GDPD5: variants seen among roughly 807,000 people sequenced by gnomAD.
GDPD5 encodes glycerophosphodiester phosphodiesterase 2.
A neutral mutation model predicts 75.1 loss-of-function variants in GDPD5; 48 were observed. The observed-to-expected ratio is 0.64, with a 90% CI of 0.51 to 0.81. GDPD5 has a LOEUF of 0.81. Ranked by LOEUF, GDPD5 falls within the 40% of genes least tolerant of loss-of-function variation. The probability of loss-of-function intolerance (pLI) is 0.00; values close to 1 mark genes in which losing one functional copy is unlikely to be tolerated. For synonymous variants in GDPD5, 336 were observed against 339.0 expected (o/e 0.99, Z 0.10); for missense variants, 706 against 822.6 (o/e 0.86, Z 1.73).
At chr11:75,502,939 A>T (rs1565216454) in intron 1 of GDPD5, among the ~76,000 whole-genome samples, 1 of 152,200 alleles carries the variant, frequency 6.6e-6, no homozygotes, top group Non-Finnish European at 1.5e-5. Flanking sequence ...ACCAAGTGAG[A>T]CCCTGACCAA....
At chr11:75,475,576 G>A (rs2135360560) in intron 3 of GDPD5, among the ~76,000 whole-genome samples, 1 of 152,298 alleles carries the variant, frequency 6.6e-6, no homozygotes, top group Non-Finnish European at 1.5e-5. Flanking sequence ...GGGAGAGAGA[G>A]AAAGGATGAG....
At chr11:75,478,262 G>C (rs1436303472) in intron 2 of GDPD5, among the ~76,000 whole-genome samples, 1 of 152,164 alleles carries the variant, frequency 6.6e-6, no homozygotes, top group African/African-American at 2.4e-5. Flanking sequence ...CAATTCTCTT[G>C]CCTCAGCCTC....
chr11:75,439,749 G>T (rs113071437), intron 15 of GDPD5, 130 bp downstream of exon 15: 5 of 750,370 alleles, frequency 6.7e-6, no homozygotes, highest in Admixed American at 2.3e-5. Flanking sequence ...ACCGGAGTCC[G>T]TCCTTCTTCC....
At chr11:75,452,656 C>A (rs1331013851) in intron 6 of GDPD5, among the ~76,000 whole-genome samples, 2 of 152,154 alleles carry the variant, frequency 1.3e-5, no homozygotes, top group Non-Finnish European at 2.9e-5. Context: ...GGGACAGAGG[C>A]TGGACACCAG....
Position 75,457,878 on chromosome 11 carries a change from A to T in GDPD5, c.222-92T>A, listed in dbSNP as rs981018796. The T allele has an allele frequency of 9.0e-5, 85 of 945,560 alleles. 1 individual carries two copies. In the South Asian group the frequency reaches 1.2e-3, roughly 14 times the overall value. The allele number at this position is 945,560 out of a possible 1,614,324, so 58.6% of individuals were successfully genotyped here. On this transcript the variant is annotated intron_variant, in intron 4 of 16. Coordinates refer to ENST00000336898, the MANE Select transcript of GDPD5 (RefSeq NM_030792.8). ...TGGTCTGAGCCTCCACACAGACGAC[A>T]GGCTGGGCTCAGTGACCAGGCTGTG...
At chr11:75,440,792 C>T (rs1948774822) in intron 14 of GDPD5, among the ~76,000 whole-genome samples, 1 of 152,098 alleles carries the variant, frequency 6.6e-6, no homozygotes, top group African/African-American at 2.4e-5. Flanking sequence ...CCCTGGGCTC[C>T]AGTGATCATC....
At chr11:75,478,784 C>T (rs1376634614) in intron 2 of GDPD5, among the ~76,000 whole-genome samples, 3 of 152,212 alleles carry the variant, frequency 2.0e-5, no homozygotes, top group Admixed American at 2.0e-4. Context: ...AAATACTTTA[C>T]ATTCATTGTT....
At chr11:75,480,800 T>A (rs986730282) in intron 2 of GDPD5, among the ~76,000 whole-genome samples, 2 of 152,250 alleles carry the variant, frequency 1.3e-5, no homozygotes, top group Non-Finnish European at 2.9e-5. Context: ...TGTTTTTAAA[T>A]GGTTGTGAAG....
chr11:75,518,749 C>T (rs1015008970), intron 1 of GDPD5, among the ~76,000 whole-genome samples: 1 of 152,168 alleles, frequency 6.6e-6, no homozygotes, highest in Non-Finnish European at 1.5e-5. Flanking sequence ...CATGAGGGGT[C>T]CCCTGATTTC....
At position 75,504,612 on chromosome 11, in the gene GDPD5, C is replaced by G. The variant is rs114440932; in HGVS notation, c.-144-14292G>C. On this transcript the variant is annotated intron_variant, in intron 1 of 16. Coordinates refer to ENST00000336898, the MANE Select transcript of GDPD5 (RefSeq NM_030792.8). ...ATATATGGTATCTAAAATAGTCAAA[C>G]TCAGAAACAGAAAGTGGAATGGTGG... Among the ~76,000 whole-genome samples the G allele has an allele frequency of 3.8e-3, 577 of 152,200 alleles. 3 individuals carry two copies. Among genetic ancestry groups the G allele is most frequent in the African/African-American group, 0.013 (558 of 41,492 alleles).
chr11:75,449,040 G>A lies in GDPD5; in HGVS notation c.651C>T (p.Cys217=). The change falls in exon 9 of 17, where the codon TGC becomes TGT. Residue 217 remains cysteine (C), a synonymous_variant. Transcript: ENST00000336898. The part of the protein sequence containing the change: ...YLAPLTISSP[C]IMEKKDLGPK... ...GGCCGAGGTCTTTCTTCTCCATGAT[G>A]CAGGGAGAGGAGATGGTGAGAGGGG... 6.2e-7 allele frequency: 1 copy of A among 1,607,666 alleles called. No individual in the cohort carries two copies. The highest frequency in any genetic ancestry group is 8.5e-7 in the Non-Finnish European group (1 of 1,178,184).
chr11:75,504,982 C>T (rs1443469176), intron 1 of GDPD5, among the ~76,000 whole-genome samples: 2 of 151,880 alleles, frequency 1.3e-5, no homozygotes, highest in Non-Finnish European at 1.5e-5. Context: ...AAAAATTAGC[C>T]GGGTGTGCGC....
At chr11:75,471,977 C>T (rs931074901) in intron 3 of GDPD5, among the ~76,000 whole-genome samples, 1 of 152,110 alleles carries the variant, frequency 6.6e-6, no homozygotes, top group Non-Finnish European at 1.5e-5. Context: ...GCTCAGAGGG[C>T]CTCTCTCTCA....
chr11:75,517,157 A>G (rs1359214600), intron 1 of GDPD5, among the ~76,000 whole-genome samples: 2 of 152,094 alleles, frequency 1.3e-5, no homozygotes, highest in African/African-American at 4.8e-5. Flanking sequence ...ATGCTATAGA[A>G]ATTGCAAGCT....
In GDPD5 at chr11:75,477,881, G is replaced by A. The variant is rs903244347; in HGVS notation, c.-60-86C>T. The A allele has an allele frequency of 4.8e-5, 25 of 524,360 alleles. 1 individual carries two copies. In the East Asian group the frequency reaches 7.0e-4, roughly 15 times the overall value. 32.5% of individuals were successfully genotyped at this position (524,360 alleles called of 1,614,324 possible). Reference sequence around the variant, plus strand: ...GCAAGTCATTGTAGCCTAGGTCAGGGAGGGTCACCCCTGCTCAAAGCACTG... The same window carrying A: ...GCAAGTCATTGTAGCCTAGGTCAGGAAGGGTCACCCCTGCTCAAAGCACTG... On this transcript the variant is annotated intron_variant, in intron 2 of 16. Coordinates refer to ENST00000336898, the MANE Select transcript of GDPD5 (RefSeq NM_030792.8).
chr11:75,505,070 C>T (rs1289556537), intron 1 of GDPD5, among the ~76,000 whole-genome samples: 2 of 151,406 alleles, frequency 1.3e-5, no homozygotes, highest in African/African-American at 4.9e-5. Flanking sequence ...TGCAGTGAGC[C>T]GAGATCATGC....
intron 3 of GDPD5, among the ~76,000 whole-genome samples, chr11:75,471,204 C>T (rs548036572): frequency 1.3e-5 from 2 of 152,298 alleles, no homozygotes; most frequent in East Asian, 3.9e-4. Flanking sequence ...GGAAAGGGTG[C>T]AGGGAGCTCC....
intron 12 of GDPD5, 67 bp from the exon 13 acceptor site, chr11:75,441,870 C>T: frequency 6.8e-7 from 1 of 1,465,026 alleles, no homozygotes; most frequent in South Asian, 1.3e-5. Context: ...CCTACTCCTC[C>T]TAGAGCACCT....
rs1592061509 is a variant in GDPD5, at chr11:75,442,959, A to G, written c.948+177T>C. The G allele has an allele frequency of 4.3e-6, 3 of 703,884 alleles. No homozygotes were observed. In the East Asian group the frequency reaches 8.1e-5, roughly 19 times the overall value. The allele number at this position is 703,884 out of a possible 1,614,324, so 43.6% of individuals were successfully genotyped here. A position where few individuals can be genotyped will look rare whatever the true frequency, so the allele number is the denominator to read the frequency against. ...AATGGACCCAGAACAAGCAGTGACA[A>G]CCATGAGTCTGGCAGCAGTGGCAGG... On this transcript the variant is annotated intron_variant, in intron 11 of 16. Coordinates refer to ENST00000336898, the MANE Select transcript of GDPD5 (RefSeq NM_030792.8).
Sources: gnomAD v4.1 joint callset for allele counts (sites outside exome capture counted in the v4.1 genomes callset) on GRCh38, gnomAD v4.1.1 for gene constraint, MANE v1.5 for transcripts, NCBI Gene and HGNC (gene_info 2026-07-23, HGNC 2026-07-21) for gene names.